Variants in CSPP1 observed in about 807,000 individuals in gnomAD.
The protein encoded by CSPP1 is centrosome and spindle pole-associated protein 1.
Under a neutral mutation model 164.4 loss-of-function variants are expected in CSPP1, and 126 were observed. The ratio of observed to expected loss-of-function variants is 0.77; its 90% confidence interval spans 0.66 to 0.89. The LOEUF is 0.89. Ranked by LOEUF, CSPP1 falls within the 40% of genes least tolerant of loss-of-function variation. The pLI is 0.00. For missense variants in CSPP1, 1,395 were observed against 1,449.8 expected, an observed-to-expected ratio of 0.96 and a Z score of 0.61; for synonymous variants, 472 against 476.7, an observed-to-expected ratio of 0.99 and a Z score of 0.13.
At chr8:67,120,861 T>C (rs1818830977) in intron 15 of CSPP1, among the ~76,000 whole-genome samples, 1 of 145,654 alleles carries the variant, frequency 6.9e-6, no homozygotes. Flanking sequence ...TCTTTCTTTC[T>C]TTTTTTTTTT....
rs1368780957 is a variant in CSPP1 at position 67,076,566 on chromosome 8, A to G, written c.184A>G (p.Thr62Ala). The G allele has an allele frequency of 6.3e-7, 1 of 1,590,204 alleles. No individual in the cohort carries two copies. Among genetic ancestry groups the G allele is most frequent in the Non-Finnish European group, 8.6e-7 (1 of 1,166,240 alleles). The change falls in exon 3 of 31, where the codon ACC (threonine) becomes GCC (alanine). Residue 62 changes from threonine to alanine, a missense_variant. Thr to Ala is a moderately conservative substitution (Grantham distance 58). Transcript: ENST00000678616. ...AAACATACCACCAAATAGTCAACAG[A>G]CCAGGGGTTCCTTAGGTATGTCATT... ...KENIPPNSQQ[T>A]RGSLGIDYGL...
At chr8:67,104,452 A>G (rs990531096) in intron 8 of CSPP1, among the ~76,000 whole-genome samples, 1 of 151,774 alleles carries the variant, frequency 6.6e-6, no homozygotes, top group Non-Finnish European at 1.5e-5. Flanking sequence ...ATTTTTTTGT[A>G]GAGTCAGGAT....
intron 2 of CSPP1, among the ~76,000 whole-genome samples, chr8:67,075,403 A>G (rs1005904184): frequency 6.6e-6 from 1 of 152,246 alleles, no homozygotes; most frequent in African/African-American, 2.4e-5. Flanking sequence ...GGACAAAGGT[A>G]CCTTGGCTGA....
chr8:67,113,800 T>C lies in CSPP1; in HGVS notation c.1188-5T>C. The C allele has an allele frequency of 6.6e-7, 1 of 1,513,164 alleles. No homozygotes were observed. The highest frequency in any genetic ancestry group is 1.2e-5 in the South Asian group (1 of 82,780). 93.7% of individuals were successfully genotyped at this position (1,513,164 alleles called of 1,614,324 possible). ...TTTAATATGTAAAACTTTAATTTTGTTTAGAGAAAAAGATTTAGAACTCAG... is the reference window on the plus strand; with the variant it reads ...TTTAATATGTAAAACTTTAATTTTGCTTAGAGAAAAAGATTTAGAACTCAG... On this transcript the variant is annotated splice_polypyrimidine_tract_variant and splice_region_variant and intron_variant, in intron 10 of 30. Coordinates refer to ENST00000678616, the MANE Select transcript of CSPP1 (RefSeq NM_001382391.1).
intron 30 of CSPP1, among the ~76,000 whole-genome samples, chr8:67,194,846 C>T (rs1428027234): frequency 1.3e-5 from 2 of 152,174 alleles, no homozygotes; most frequent in Admixed American, 1.3e-4. Context: ...ATTGACTGGA[C>T]ACGGCCTTGT....
At chr8:67,067,056 A>G (rs1277176725) in intron 1 of CSPP1, among the ~76,000 whole-genome samples, 1 of 152,110 alleles carries the variant, frequency 6.6e-6, no homozygotes, top group Non-Finnish European at 1.5e-5. Flanking sequence ...GTGCCCAGCC[A>G]CATTTTATAT....
In CSPP1 at chr8:67,116,122, G is replaced by C; in HGVS notation, c.1496G>C (p.Arg499Thr). ...SSALGEMVSP[R>T]IAPLPPPPLL... ...GCCCTTGGTGAAATGGTGTCTCCCAGGTGCTTGTTTAAATGTTTTGTGTTT... is the reference window on the plus strand; with the variant it reads ...GCCCTTGGTGAAATGGTGTCTCCCACGTGCTTGTTTAAATGTTTTGTGTTT... The change falls in exon 13 of 31, where the codon AGG becomes ACG. Residue 499 changes from arginine (R) to threonine (T), a missense_variant and splice_region_variant. Arg to Thr is a moderately conservative substitution (Grantham distance 71). Coordinates refer to ENST00000678616, the MANE Select transcript of CSPP1 (RefSeq NM_001382391.1). The C allele has an allele frequency of 6.2e-7, 1 of 1,610,320 alleles. No individual in the cohort carries two copies.
intron 27 of CSPP1, among the ~76,000 whole-genome samples, chr8:67,179,305 A>G (rs1832449545): frequency 6.6e-6 from 1 of 152,108 alleles, no homozygotes; most frequent in African/African-American, 2.4e-5. Flanking sequence ...CATTGTGGCA[A>G]TTGCTGTCAC....
chr8:67,184,520 C>T (rs1452767017), intron 28 of CSPP1, among the ~76,000 whole-genome samples: 1 of 148,706 alleles, frequency 6.7e-6, no homozygotes, highest in African/African-American at 2.5e-5. Flanking sequence ...GGCGGATCAC[C>T]TGAAGTCAGG....
chr8:67,103,439 A>G (rs1203586976), intron 8 of CSPP1, among the ~76,000 whole-genome samples: 1 of 152,194 alleles, frequency 6.6e-6, no homozygotes, highest in Non-Finnish European at 1.5e-5. Context: ...AGTATAATTT[A>G]ATGGACTAAA....
chr8:67,193,682 T>A (rs1461496475), intron 30 of CSPP1, 80 bp downstream of exon 30: 7 of 1,255,138 alleles, frequency 5.6e-6, no homozygotes, highest in Non-Finnish European at 6.8e-6. Context: ...TTCACTAACG[T>A]CTGAGGGATA....
rs769354548 is a variant in CSPP1 at position 67,175,556 on chromosome 8, C to T, written c.3109+120C>T. On this transcript the variant is annotated intron_variant, in intron 26 of 30. Transcript: ENST00000678616. ...CTCCTTTCACTGGCAGCCCCATGCT[C>T]ACAGGGTCCGTTTGGTCTGTAGTAC... The T allele has an allele frequency of 2.5e-6, 3 of 1,195,032 alleles. No individual in the cohort carries two copies. In the South Asian group the frequency reaches 3.9e-5, roughly 15 times the overall value. The allele number at this position is 1,195,032 out of a possible 1,614,324, so 74.0% of individuals were successfully genotyped here. A position where few individuals can be genotyped will look rare whatever the true frequency, so the allele number is the denominator to read the frequency against.
At chr8:67,118,183 A>G (rs1818295649) in intron 13 of CSPP1, 65 bp from the exon 14 acceptor site, 3 of 1,556,158 alleles carry the variant, frequency 1.9e-6, no homozygotes, top group Non-Finnish European at 1.8e-6. Flanking sequence ...AAAGAGTAAC[A>G]TCTTGATTTT....
intron 26 of CSPP1, among the ~76,000 whole-genome samples, chr8:67,177,307 A>T (rs1831929717): frequency 6.6e-6 from 1 of 152,166 alleles, no homozygotes; most frequent in African/African-American, 2.4e-5. Context: ...AGTGCCTGGA[A>T]TTGAGCTTAT....
chr8:67,172,282 C>T (rs1181619750), intron 24 of CSPP1, 134 bp from the exon 25 acceptor site: 2 of 619,892 alleles, frequency 3.2e-6, no homozygotes, highest in African/African-American at 1.8e-5. Flanking sequence ...GTGTGAGCCA[C>T]AGCACCTGTC....
intron 12 of CSPP1, chr8:67,115,262 C>T (rs1817694995): frequency 6.6e-6 from 1 of 152,232 alleles, no homozygotes; most frequent in Admixed American, 6.5e-5. Flanking sequence ...AAGAATACTA[C>T]AGGTATATTT....
intron 4 of CSPP1, among the ~76,000 whole-genome samples, chr8:67,090,557 T>C (rs989917345): frequency 1.3e-5 from 2 of 152,206 alleles, no homozygotes; most frequent in African/African-American, 4.8e-5. Flanking sequence ...CTGCTAGGAT[T>C]ACAGGTATGA....
rs967352331 is a variant in CSPP1, at chr8:67,177,689, A to G, written c.3119A>G (p.Asp1040Gly). ...TCTCCATTGACTACAGTTGACTTAG[A>G]TGCCATCCCAAGTGCTAAAGTACGA... Reference protein sequence around the residue: ...KMQEGAKVDLDAIPSAKVREQ... With the variant: ...KMQEGAKVDLGAIPSAKVREQ... The change falls in exon 27 of 31, where the codon GAT becomes GGT. Residue 1040 changes from aspartate to glycine, a missense_variant. Transcript: ENST00000678616. The G allele has an allele frequency of 6.2e-7, 1 of 1,610,950 alleles. No homozygotes were observed. Among genetic ancestry groups the G allele is most frequent in the Non-Finnish European group, 8.5e-7 (1 of 1,177,506 alleles).
chr8:67,162,308 G>A (rs1431048590), intron 22 of CSPP1, among the ~76,000 whole-genome samples: 2 of 152,226 alleles, frequency 1.3e-5, no homozygotes, highest in Non-Finnish European at 2.9e-5. Flanking sequence ...GTCGTGGAGA[G>A]CAATGTAAGC....
Sources: gnomAD v4.1 joint callset for allele counts (sites outside exome capture counted in the v4.1 genomes callset) on GRCh38, gnomAD v4.1.1 for gene constraint, MANE v1.5 for transcripts, NCBI Gene and HGNC (gene_info 2026-07-23, HGNC 2026-07-21) for gene names.